DENND2B: variants seen among roughly 807,000 people sequenced by gnomAD.
DENND2B encodes the protein DENN domain-containing protein 2B.
In DENND2B, 32 loss-of-function variants were observed where a neutral mutation model predicts 116.0. The ratio of observed to expected loss-of-function variants is 0.28; its 90% CI spans 0.21 to 0.37. The LOEUF (loss-of-function observed/expected upper bound fraction) is 0.37. Among genes scored for constraint, DENND2B ranks in the 10% least tolerant of loss-of-function variants. The pLI, the probability that DENND2B is intolerant of heterozygous loss-of-function variation, is 1.00. For synonymous variants in DENND2B, 588 were observed against 583.9 expected (o/e 1.01, Z -0.10); for missense variants, 1,276 against 1,477.7 (o/e 0.86, Z 2.24).
At chr11:8,770,475 G>GT (rs2056662706) in intron 1 of DENND2B, among the ~76,000 whole-genome samples, 1 of 152,144 alleles carries the variant, frequency 6.6e-6, no homozygotes, top group Non-Finnish European at 1.5e-5. Flanking sequence ...GCCTGGAATA[G>GT]TGTCTGGCTC....
intron 1 of DENND2B, among the ~76,000 whole-genome samples, chr11:8,796,704 A>C (rs2059843349): frequency 1.3e-5 from 2 of 151,830 alleles, no homozygotes; most frequent in South Asian, 4.1e-4. Flanking sequence ...ACACTAGTTT[A>C]CTGACAAATT....
chr11:8,757,097 C>A (rs1321786574), intron 1 of DENND2B: 2 of 456,234 alleles, frequency 4.4e-6, no homozygotes, highest in South Asian at 3.1e-5. Context: ...CAGTCGCAGG[C>A]CCCGAGGGGC....
At chr11:8,818,384 G>A (rs924580126) in intron 4 of DENND2B, among the ~76,000 whole-genome samples, 4 of 152,066 alleles carry the variant, frequency 2.6e-5, no homozygotes, top group Non-Finnish European at 5.9e-5. Context: ...GGTGCAAAGT[G>A]GAGGGAAAGG....
chr11:8,718,444 C>A, intron 4 of DENND2B: 1 of 1,518,998 alleles, frequency 6.6e-7, no homozygotes, highest in Non-Finnish European at 8.8e-7. Context: ...TGCCGTTCAA[C>A]AAGTCTTTTA....
intron 3 of DENND2B, among the ~76,000 whole-genome samples, chr11:8,852,270 A>G (rs2063035054): frequency 6.6e-6 from 1 of 152,218 alleles, no homozygotes; most frequent in South Asian, 2.1e-4. Flanking sequence ...ATGTCACATT[A>G]AAGGGTGGAA....
At chr11:8,840,760 TC>T (rs1170707023) in intron 3 of DENND2B, among the ~76,000 whole-genome samples, 1 of 152,070 alleles carries the variant, frequency 6.6e-6, no homozygotes, top group Non-Finnish European at 1.5e-5. Context: ...GGCAGACAGG[TC>T]CTTGCAGCCC....
chr11:8,735,525 C>T (rs1278704170), intron 2 of DENND2B, among the ~76,000 whole-genome samples: 2 of 152,266 alleles, frequency 1.3e-5, no homozygotes, highest in African/African-American at 4.8e-5. Flanking sequence ...GGAAAGGCCA[C>T]GCCTGCGTAT....
At chr11:8,753,714 A>C (rs2053011579) in intron 1 of DENND2B, among the ~76,000 whole-genome samples, 1 of 152,204 alleles carries the variant, frequency 6.6e-6, no homozygotes, top group African/African-American at 2.4e-5. Flanking sequence ...AGAAACAGAG[A>C]TCAACACAAC....
At chr11:8,705,387 C>T (rs553243850) in intron 13 of DENND2B, among the ~76,000 whole-genome samples, 3 of 152,294 alleles carry the variant, frequency 2.0e-5, no homozygotes, top group East Asian at 1.9e-4. Flanking sequence ...TCTTGCCACG[C>T]CTCATCCTGA....
chr11:8,775,315 T>A (rs1479702522), intron 1 of DENND2B, among the ~76,000 whole-genome samples: 1 of 151,848 alleles, frequency 6.6e-6, no homozygotes, highest in Non-Finnish European at 1.5e-5. Context: ...AACAAAAAAC[T>A]CTCCCAAGAC....
intron 1 of DENND2B, among the ~76,000 whole-genome samples, chr11:8,888,795 A>G (rs909365946): frequency 8.5e-5 from 13 of 152,246 alleles, no homozygotes; most frequent in African/African-American, 3.1e-4. Context: ...ATACAAAAAC[A>G]GCCAATAACA....
intron 1 of DENND2B, among the ~76,000 whole-genome samples, chr11:8,906,226 GA>G (rs1264223497): frequency 1.8e-5 from 2 of 108,740 alleles, no homozygotes; most frequent in African/African-American, 7.2e-5. Flanking sequence ...TTTTTTTTGA[GA>G]TGGAGTCTCG....
chr11:8,910,939 A>ACCCCCGG (rs1345255371), exon 1 of DENND2B: 2 of 92,970 alleles, frequency 2.2e-5, no homozygotes, highest in Non-Finnish European at 4.1e-5. Context: ...CCAGCCCCCG[A>ACCCCCGG]CCCCCGACCC....
At chr11:8,778,598 G>C (rs941730375) in intron 1 of DENND2B, among the ~76,000 whole-genome samples, 4 of 152,242 alleles carry the variant, frequency 2.6e-5, no homozygotes, top group Non-Finnish European at 5.9e-5. Flanking sequence ...TTCCAGCTCA[G>C]GGAAGGGCTG....
upstream of DENND2B, chr11:8,811,339 A>T (rs946469545): frequency 4.0e-5 from 16 of 398,460 alleles, no homozygotes; most frequent in Non-Finnish European, 5.3e-5. Context: ...CATCTTCCTG[A>T]AATGGAGAGC....
chr11:8,725,848 C>T (rs80249839), intron 4 of DENND2B, among the ~76,000 whole-genome samples: 1 of 152,122 alleles, frequency 6.6e-6, no homozygotes, highest in Non-Finnish European at 1.5e-5. Context: ...TCTCGTGTCC[C>T]CAAAGGTCCT....
At chr11:8,855,770 G>A (rs2653593) in intron 3 of DENND2B, among the ~76,000 whole-genome samples, 82,743 of 151,808 alleles carry the variant, frequency 0.55, 22,732 homozygotes, top group Middle Eastern at 0.73. Context: ...GCTAATTTTC[G>A]TTTGTCTCAA....
Position 8,765,085 on chromosome 11 carries a change from G to A in DENND2B, c.-25-14360C>T, listed in dbSNP as rs543952643. Reference sequence around the variant, plus strand: ...GGCTCTGAGTCAACAACAAATAAGCGTAAGAGATGCCTATCATCATTCTTC... The same window carrying A: ...GGCTCTGAGTCAACAACAAATAAGCATAAGAGATGCCTATCATCATTCTTC... On this transcript the variant is annotated intron_variant, in intron 1 of 19. Coordinates refer to ENST00000313726, the MANE Select transcript of DENND2B (RefSeq NM_213618.2). Among the ~76,000 whole-genome samples the A allele has an allele frequency of 4.6e-5, 7 of 151,978 alleles. No homozygotes were observed. In the East Asian group the frequency reaches 5.8e-4, roughly 13 times the overall value.
At chr11:8,746,769 A>G (rs1483057772) in intron 2 of DENND2B, among the ~76,000 whole-genome samples, 1 of 152,216 alleles carries the variant, frequency 6.6e-6, no homozygotes, top group Non-Finnish European at 1.5e-5. Flanking sequence ...TGACTTTATC[A>G]TGGATAGCAG....
Sources: gnomAD v4.1 joint callset for allele counts (sites outside exome capture counted in the v4.1 genomes callset) on GRCh38, gnomAD v4.1.1 for gene constraint, MANE v1.5 for transcripts, NCBI Gene and HGNC (gene_info 2026-07-23, HGNC 2026-07-21) for gene names.